HTR1F: variants seen among roughly 807,000 people sequenced by gnomAD.
HTR1F encodes the protein 5-hydroxytryptamine receptor 1F.
HTR1F carries 17 observed loss-of-function variants against 24.0 expected under a neutral mutation model. The ratio of observed to expected loss-of-function variants is 0.71; its 90% CI spans 0.48 to 1.06. HTR1F has a LOEUF of 1.06. Ranked by LOEUF, HTR1F falls within the 50% of genes least tolerant of loss-of-function variation. The probability of loss-of-function intolerance (pLI) is 0.00; values close to 1 mark genes in which losing one functional copy is unlikely to be tolerated. For synonymous variants in HTR1F, 186 were observed against 156.8 expected (o/e 1.19, Z -1.39); for missense variants, 391 against 427.8 (o/e 0.91, Z 0.76).
chr3:87,991,672 C>CT lies in HTR1F; in HGVS notation c.930dup (p.Val311CysfsTer7). The CT allele has an allele frequency of 6.2e-7, 1 of 1,613,090 alleles. No homozygotes were observed. Among genetic ancestry groups the CT allele is most frequent in the Non-Finnish European group, 8.5e-7 (1 of 1,179,608 alleles). ...GGTGCATTTGTAATATGTTGGCTTCCTTTTTTTGTAAAAGAATTAGTTGTT... is the reference window on the plus strand; with the variant it reads ...GGTGCATTTGTAATATGTTGGCTTCCTTTTTTTTGTAAAAGAATTAGTTGTT... On this transcript the variant is annotated frameshift_variant, in exon 3 of 3. Transcript: ENST00000319595. LOFTEE classifies it high-confidence loss of function.
intron 2 of HTR1F, among the ~76,000 whole-genome samples, chr3:87,882,918 T>A (rs1299964427): frequency 6.6e-6 from 1 of 152,142 alleles, no homozygotes; most frequent in Non-Finnish European, 1.5e-5. Flanking sequence ...GACTTAAATG[T>A]CCCTGTCTGA....
chr3:87,926,569 G>A (rs534133613), intron 2 of HTR1F, among the ~76,000 whole-genome samples: 4 of 152,164 alleles, frequency 2.6e-5, no homozygotes, highest in African/African-American at 9.6e-5. Flanking sequence ...AAATTTCAAA[G>A]AGATCAGTAA....
At chr3:87,853,167 G>T (rs1705126072) in intron 2 of HTR1F, among the ~76,000 whole-genome samples, 2 of 149,648 alleles carry the variant, frequency 1.3e-5, no homozygotes, top group Non-Finnish European at 2.9e-5. Flanking sequence ...TGTCACACAG[G>T]TATTAAGCCT....
chr3:87,831,407 G>A (rs1305461414), intron 2 of HTR1F, among the ~76,000 whole-genome samples: 2 of 150,386 alleles, frequency 1.3e-5, no homozygotes, highest in Admixed American at 1.3e-4. Context: ...CTGTCGCCCA[G>A]GCTGAAGTGC....
intron 2 of HTR1F, among the ~76,000 whole-genome samples, chr3:87,911,782 G>T (rs1703783178): frequency 6.6e-6 from 1 of 151,980 alleles, no homozygotes; most frequent in Non-Finnish European, 1.5e-5. Flanking sequence ...CAATAAATGT[G>T]ATTAACCACA....
At chr3:87,867,669 T>C (rs377722448) in intron 2 of HTR1F, among the ~76,000 whole-genome samples, 22 of 152,170 alleles carry the variant, frequency 1.4e-4, no homozygotes, top group African/African-American at 5.3e-4. Flanking sequence ...AATCTGTCAA[T>C]TCTTCTGTGC....
chr3:87,817,249 G>A (rs955206504), intron 1 of HTR1F, among the ~76,000 whole-genome samples: 6 of 152,038 alleles, frequency 3.9e-5, no homozygotes, highest in East Asian at 1.9e-4. Context: ...CAGATACTCC[G>A]TTTGGCAATG....
At chr3:87,961,853 A>G (rs545885967) in intron 2 of HTR1F, among the ~76,000 whole-genome samples, 1 of 152,118 alleles carries the variant, frequency 6.6e-6, no homozygotes, top group South Asian at 2.1e-4. Flanking sequence ...AAATATGACA[A>G]AATGTGTAAG....
At chr3:87,896,494 A>C (rs1706201761) in intron 2 of HTR1F, among the ~76,000 whole-genome samples, 1 of 152,188 alleles carries the variant, frequency 6.6e-6, no homozygotes, top group Non-Finnish European at 1.5e-5. Context: ...AAGTAGGTCT[A>C]TCTAACTGGC....
chr3:87,888,714 T>G (rs1170126798), intron 2 of HTR1F, among the ~76,000 whole-genome samples: 1 of 152,136 alleles, frequency 6.6e-6, no homozygotes, highest in Non-Finnish European at 1.5e-5. Flanking sequence ...CTATCTAACT[T>G]CCTTTAAACT....
chr3:87,908,885 T>C (rs2107343682), intron 2 of HTR1F, among the ~76,000 whole-genome samples: 1 of 152,194 alleles, frequency 6.6e-6, no homozygotes, highest in East Asian at 1.9e-4. Context: ...TTTTGTTCTT[T>C]TTAGAGGAAA....
At chr3:87,964,945 T>C (rs1450845466) in intron 2 of HTR1F, among the ~76,000 whole-genome samples, 1 of 152,156 alleles carries the variant, frequency 6.6e-6, no homozygotes, top group Admixed American at 6.5e-5. Context: ...TGAGATCTGA[T>C]GGTTTCATAA....
At chr3:87,910,025 T>C (rs1284399176) in intron 2 of HTR1F, among the ~76,000 whole-genome samples, 1 of 152,068 alleles carries the variant, frequency 6.6e-6, no homozygotes, top group South Asian at 2.1e-4. Flanking sequence ...CAAAATTCTA[T>C]CCTATGTTGT....
At chr3:87,985,160 A>T (rs1229449900) in intron 2 of HTR1F, among the ~76,000 whole-genome samples, 1 of 151,772 alleles carries the variant, frequency 6.6e-6, no homozygotes, top group African/African-American at 2.4e-5. Flanking sequence ...ACATGGAGAA[A>T]CCCCCTCTCT....
chr3:87,916,730 T>A (rs983844265), intron 2 of HTR1F, among the ~76,000 whole-genome samples: 2 of 152,002 alleles, frequency 1.3e-5, no homozygotes, highest in African/African-American at 4.8e-5. Context: ...TACAAAGCAA[T>A]TACTAATAGA....
chr3:87,874,684 G>C (rs1559614365), intron 2 of HTR1F, among the ~76,000 whole-genome samples: 1 of 149,038 alleles, frequency 6.7e-6, no homozygotes, highest in Non-Finnish European at 1.5e-5. Flanking sequence ...ACACCAAATA[G>C]CTGAAACAAA....
At chr3:87,982,636 G>A (rs1171926368) in intron 2 of HTR1F, among the ~76,000 whole-genome samples, 1 of 152,198 alleles carries the variant, frequency 6.6e-6, no homozygotes, top group Non-Finnish European at 1.5e-5. Context: ...TTCAAGAGCC[G>A]TGGAGTGCAG....
chr3:87,878,301 G>A (rs1705713853), intron 2 of HTR1F, among the ~76,000 whole-genome samples: 1 of 152,166 alleles, frequency 6.6e-6, no homozygotes, highest in Non-Finnish European at 1.5e-5. Flanking sequence ...ACTTAGGACT[G>A]TTGGACTGCA....
chr3:87,915,688 C>T, intron 2 of HTR1F, among the ~76,000 whole-genome samples: 1 of 152,072 alleles, frequency 6.6e-6, no homozygotes, highest in East Asian at 1.9e-4. Context: ...TGAACAAAGC[C>T]TCCAAGAAGT....
Sources: gnomAD v4.1 joint callset for allele counts (sites outside exome capture counted in the v4.1 genomes callset) on GRCh38, gnomAD v4.1.1 for gene constraint, MANE v1.5 for transcripts, NCBI Gene and HGNC (gene_info 2026-07-23, HGNC 2026-07-21) for gene names.